CPS1: variants seen among roughly 807,000 people sequenced by gnomAD.
The protein encoded by CPS1 is carbamoyl-phosphate synthase [ammonia], mitochondrial.
CPS1 carries 109 observed loss-of-function variants against 174.6 expected under a neutral mutation model. The observed-to-expected ratio is 0.62, with a 90% CI of 0.53 to 0.73. The LOEUF is 0.73. Ranked by LOEUF, CPS1 falls within the 30% of genes least tolerant of loss-of-function variation. The probability of loss-of-function intolerance (pLI) is 0.00; values close to 1 mark genes in which losing one functional copy is unlikely to be tolerated. For missense variants in CPS1, 1,689 were observed against 1,821.9 expected (o/e 0.93, Z 1.33); for synonymous variants, 637 against 632.0 (o/e 1.01, Z -0.12).
chr2:210,607,691 A>T (rs62203717), intron 18 of CPS1, among the ~76,000 whole-genome samples: 2,762 of 152,044 alleles, frequency 0.018, 34 homozygotes, highest in Middle Eastern at 0.034. Flanking sequence ...TTTTGAGCAC[A>T]TCACTCATTG....
chr2:210,599,598 T>C, intron 14 of CPS1, 37 bp downstream of exon 14: 1 of 1,577,244 alleles, frequency 6.3e-7, no homozygotes, highest in African/African-American at 1.3e-5. Context: ...AGTTTTGACA[T>C]ATGCACTGCT....
intron 13 of CPS1, 148 bp downstream of exon 13, chr2:210,595,730 GA>G (rs1698461575): frequency 3.0e-6 from 2 of 667,514 alleles, no homozygotes; most frequent in East Asian, 5.5e-5. Flanking sequence ...TTGTATTAAA[GA>G]AGCTTGATCA....
At chr2:210,639,108 A>C in intron 22 of CPS1, 42 bp from the exon 23 acceptor site, 1 of 1,522,920 alleles carries the variant, frequency 6.6e-7, no homozygotes, top group Non-Finnish European at 9.0e-7. Context: ...AAAAATTATA[A>C]TAACATTCTT....
intron 33 of CPS1, among the ~76,000 whole-genome samples, chr2:210,664,990 G>A (rs1235165027): frequency 1.3e-5 from 2 of 152,098 alleles, no homozygotes; most frequent in Non-Finnish European, 2.9e-5. Flanking sequence ...GGTAAAGTGG[G>A]GATATTAGTC....
intron 10 of CPS1, 88 bp downstream of exon 10, chr2:210,592,057 A>G: frequency 4.3e-6 from 6 of 1,403,460 alleles, no homozygotes; most frequent in Non-Finnish European, 5.8e-6. Context: ...GTATATATTT[A>G]TGAGATACAT....
intron 20 of CPS1, among the ~76,000 whole-genome samples, chr2:210,615,027 G>GTA (rs140533115): frequency 0.016 from 2,444 of 149,848 alleles, 63 homozygotes; most frequent in African/African-American, 0.05. Context: ...AGAACTTAAA[G>GTA]TATATATATA....
At chr2:210,484,425 G>A (rs1488341289) in intron 1 of CPS1, among the ~76,000 whole-genome samples, 2 of 152,148 alleles carry the variant, frequency 1.3e-5, no homozygotes, top group Non-Finnish European at 2.9e-5. Context: ...ACAATAGAGA[G>A]CCATGGAATG....
At chr2:210,552,288 G>GTT (rs577722188), upstream of CPS1, among the ~76,000 whole-genome samples, 3 of 147,420 alleles carry the variant, frequency 2.0e-5, no homozygotes, top group Non-Finnish European at 3.0e-5. Flanking sequence ...TGATTGCCAG[G>GTT]TTTTTTTTTT....
At chr2:210,594,056 C>T (rs1698398227) in intron 11 of CPS1, among the ~76,000 whole-genome samples, 1 of 151,702 alleles carries the variant, frequency 6.6e-6, no homozygotes, top group Non-Finnish European at 1.5e-5. Flanking sequence ...AGTGAAACAA[C>T]AGAAGTAAAT....
chr2:210,478,131 A>G (rs7580462), intron 1 of CPS1, among the ~76,000 whole-genome samples: 2,532 of 152,308 alleles, frequency 0.017, 54 homozygotes, highest in Middle Eastern at 0.054. Context: ...GGATCATATG[A>G]GATTCTGTAC....
Position 210,649,223 on chromosome 2 carries a change from G to A in CPS1, c.3404+683G>A, listed in dbSNP as rs375593822. 9.2e-5 allele frequency among the ~76,000 whole-genome samples: 14 copies of A among 152,212 alleles called. No individual in the cohort carries two copies. In the South Asian group the frequency reaches 2.7e-3, roughly 29 times the overall value. On this transcript the variant is annotated intron_variant, in intron 27 of 37. Transcript: ENST00000233072. ...GATGAAAATGAAAAATTTCAAACGAGGTGGAAATCTTTTTATTTAAATGTC... is the reference window on the plus strand; with the variant it reads ...GATGAAAATGAAAAATTTCAAACGAAGTGGAAATCTTTTTATTTAAATGTC...
In CPS1 at chr2:210,582,722, C is replaced by T; in HGVS notation, c.621+13C>T. ...GGTTTCAACCAAGGTGAGGGGTTTTCCTTTATATTTTGTAGTTTTATTTGA... is the reference window on the plus strand; with the variant it reads ...GGTTTCAACCAAGGTGAGGGGTTTTTCTTTATATTTTGTAGTTTTATTTGA... On this transcript the variant is annotated intron_variant, in intron 6 of 37. Transcript: ENST00000233072. 3 of 1,590,898 alleles carry T rather than the reference C, an allele frequency of 1.9e-6. No individual in the cohort carries two copies. The highest frequency in any genetic ancestry group is 2.2e-5 in the South Asian group (2 of 90,654).
intron 15 of CPS1, among the ~76,000 whole-genome samples, chr2:210,601,260 A>G (rs1698716014): frequency 6.6e-6 from 1 of 151,932 alleles, no homozygotes; most frequent in African/African-American, 2.4e-5. Context: ...GTTACCAGGA[A>G]AAAGAATCAA....
chr2:210,482,114 G>A (rs1294038539), intron 1 of CPS1, among the ~76,000 whole-genome samples: 1 of 152,190 alleles, frequency 6.6e-6, no homozygotes, highest in Non-Finnish European at 1.5e-5. Context: ...TGCCTCCTGA[G>A]GGACAGGACT....
chr2:210,590,347 A>G, intron 8 of CPS1, 113 bp downstream of exon 8: 1 of 1,472,536 alleles, frequency 6.8e-7, no homozygotes, highest in Non-Finnish European at 9.5e-7. Flanking sequence ...CAATGCTGGT[A>G]TTTGTGACTT....
chr2:210,658,734 G>A lies in CPS1; in HGVS notation c.3756+46G>A, dbSNP rs774440752. On this transcript the variant is annotated intron_variant, in intron 31 of 37. Coordinates refer to ENST00000233072, the MANE Select transcript of CPS1 (RefSeq NM_001875.5). ...TGAGAGGACACCACCACTGTGTTAC[G>A]TCATGTTGGTTTGCATCTCTCTGGT... The A allele has an allele frequency of 1.7e-5, 23 of 1,348,448 alleles. No homozygotes were observed. In the South Asian group the frequency reaches 2.0e-4, roughly 12 times the overall value. The allele number at this position is 1,348,448 out of a possible 1,614,324, so 83.5% of individuals were successfully genotyped here.
chr2:210,553,001 G>T (rs977998132), upstream of CPS1, among the ~76,000 whole-genome samples: 9 of 151,886 alleles, frequency 5.9e-5, no homozygotes, highest in Non-Finnish European at 1.3e-4. Flanking sequence ...TATTGCACTG[G>T]TATGTAGGTG....
intron 25 of CPS1, among the ~76,000 whole-genome samples, chr2:210,644,170 C>T (rs1700307517): frequency 6.6e-6 from 1 of 151,918 alleles, no homozygotes; most frequent in Admixed American, 6.6e-5. Flanking sequence ...TTTATTAAAA[C>T]TGAAGTCAGT....
chr2:210,512,403 T>C (rs941776130), intron 1 of CPS1, among the ~76,000 whole-genome samples: 1 of 151,974 alleles, frequency 6.6e-6, no homozygotes, highest in Non-Finnish European at 1.5e-5. Context: ...GCCATCTTTA[T>C]GTTCATGAGT....
Sources: gnomAD v4.1 joint callset for allele counts (sites outside exome capture counted in the v4.1 genomes callset) on GRCh38, gnomAD v4.1.1 for gene constraint, MANE v1.5 for transcripts, NCBI Gene and HGNC (gene_info 2026-07-23, HGNC 2026-07-21) for gene names.